Variants in TMEM255B observed in about 807,000 individuals in gnomAD.
TMEM255B encodes the protein transmembrane protein 255B, also known as family with sequence similarity 70, member B.
A neutral mutation model predicts 34.5 loss-of-function variants in TMEM255B; 35 were observed. The observed-to-expected ratio is 1.01, with a 90% CI of 0.77 to 1.34. TMEM255B has a LOEUF of 1.34. Ranked by LOEUF, TMEM255B falls within the 40% of genes most tolerant of loss-of-function variation. TMEM255B has a pLI of 0.00. For synonymous variants in TMEM255B, 206 were observed against 201.2 expected (o/e 1.02, Z -0.20); for missense variants, 432 against 433.2 (o/e 1.00, Z 0.02).
At chr13:113,779,143 T>C (rs2050628477) in intron 3 of TMEM255B, among the ~76,000 whole-genome samples, 1 of 152,196 alleles carries the variant, frequency 6.6e-6, no homozygotes, top group Non-Finnish European at 1.5e-5. Context: ...GGCATGTTTC[T>C]GGTCAAAGGT....
Position 113,811,948 on chromosome 13 carries a change from A to AAG in TMEM255B, c.*46_*47insGA, listed in dbSNP as rs760806055. On this transcript the variant is annotated 3_prime_UTR_variant, in exon 9 of 9. Transcript: ENST00000375353. ...ATAACTTGTTTGTTTTTTTTTTTAA[A>AAG]AAAAAGGCAGCCTCTAGAAATCCCG... 6.5e-7 allele frequency: 1 copy of AAG among 1,534,364 alleles called. No homozygotes were observed. Among genetic ancestry groups the AAG allele is most frequent in the African/African-American group, 1.4e-5 (1 of 71,240 alleles).
In TMEM255B at chr13:113,812,973, G is replaced by GGTCACGGGCCCCGGGTGA. The variant is rs1566342231; in HGVS notation, c.*1078_*1079insCCCCGGGTGAGTCACGGG. The stretch of plus-strand genomic sequence containing the variant: ...CCGGGTGGGTCACGGGCCCCGGGTG[G>GGTCACGGGCCCCGGGTGA]GTCACGGGTCCCGGGTGGGTCACGG... On this transcript the variant is annotated 3_prime_UTR_variant, in exon 9 of 9. Coordinates refer to ENST00000375353, the MANE Select transcript of TMEM255B (RefSeq NM_182614.4). 2.5e-5 allele frequency: 3 copies of GGTCACGGGCCCCGGGTGA among 121,862 alleles called. No homozygotes were observed. The highest frequency in any genetic ancestry group is 5.7e-5 in the Non-Finnish European group (3 of 53,016). The allele number at this position is 121,862 out of a possible 1,614,324, so 7.5% of individuals were successfully genotyped here.
chr13:113,767,855 A>C (rs1373502087), intron 2 of TMEM255B, among the ~76,000 whole-genome samples: 2 of 152,246 alleles, frequency 1.3e-5, no homozygotes, highest in Admixed American at 1.3e-4. Flanking sequence ...AACGTAGTGT[A>C]ACAGATGTAT....
intron 3 of TMEM255B, among the ~76,000 whole-genome samples, chr13:113,788,517 CG>C (rs1401424925): frequency 1.3e-4 from 20 of 152,114 alleles, no homozygotes; most frequent in African/African-American, 4.6e-4. Context: ...TCTCTGCCCT[CG>C]GCTGGTGGCT....
chr13:113,767,806 C>T (rs764806386), intron 2 of TMEM255B, among the ~76,000 whole-genome samples: 8 of 152,142 alleles, frequency 5.3e-5, no homozygotes, highest in Non-Finnish European at 5.9e-5. Flanking sequence ...TCCACATTTT[C>T]AAGAAAGGTG....
chr13:113,792,513 G>A (rs970461832), intron 3 of TMEM255B, among the ~76,000 whole-genome samples: 2 of 152,180 alleles, frequency 1.3e-5, no homozygotes, highest in Non-Finnish European at 2.9e-5. Context: ...ACTCGTTCAG[G>A]CCTTCCTTCT....
chr13:113,800,720 TG>T, intron 5 of TMEM255B, 106 bp from the exon 6 acceptor site: 1 of 1,034,592 alleles, frequency 9.7e-7, no homozygotes, highest in Non-Finnish European at 1.4e-6. Context: ...GCTGCTTGGC[TG>T]GGCCTCAGTG....
Position 113,805,013 on chromosome 13 carries a change from C to T in TMEM255B, c.798C>T (p.Tyr266=), listed in dbSNP as rs2051143845. ...TPEPVPTCSS[Y]PLPLQPCSRF... ...AGCCCGTCCCGACCTGCTCGTCCTA[C>T]CCTCTGCCCCTTCAGGTAGGGCCAG... The change falls in exon 8 of 9, where the codon TAC becomes TAT. Residue 266 remains tyrosine (Y), a synonymous_variant. Transcript: ENST00000375353. The T allele has an allele frequency of 1.9e-6, 3 of 1,601,626 alleles. No homozygotes were observed. The African/African-American group carries it at 4.0e-5, about 21-fold the overall frequency.
chr13:113,801,671 C>T lies in TMEM255B; in HGVS notation c.528C>T (p.Ala176=), dbSNP rs768785409. ...TGTGCAGCGCAGAGCCCTCGCCCGC[C>T]TACTATGAGTTCATCGGCGTCAGCG... ...YACGSAEPSP[A]YYEFIGVSGC... The change falls in exon 7 of 9, where the codon GCC becomes GCT. Residue 176 remains alanine, a synonymous_variant. Transcript: ENST00000375353. The T allele has an allele frequency of 6.2e-7, 1 of 1,611,130 alleles. No individual in the cohort carries two copies. Among genetic ancestry groups the T allele is most frequent in the East Asian group, 2.2e-5 (1 of 44,804 alleles).
intron 1 of TMEM255B, among the ~76,000 whole-genome samples, chr13:113,759,753 C>G (rs1234769507): frequency 6.6e-6 from 1 of 152,170 alleles, no homozygotes; most frequent in Non-Finnish European, 1.5e-5. Context: ...TTTGGAAGAG[C>G]GAGGTAGCCT....
In TMEM255B at chr13:113,806,125, C is replaced by T. The variant is rs934226270; in HGVS notation, c.813+1097C>T. Among the ~76,000 whole-genome samples, 8 of 152,134 alleles carry T rather than the reference C, an allele frequency of 5.3e-5. No individual in the cohort carries two copies. Among genetic ancestry groups the T allele is most frequent in the African/African-American group, 1.4e-4 (6 of 41,426 alleles). On this transcript the variant is annotated intron_variant, in intron 8 of 8. Transcript: ENST00000375353. The surrounding 1 kb of genome is among the most constrained non-coding windows in gnomAD (Gnocchi z 4.2). ...AAAAGATCTTCCTTAGAGGGACATC[C>T]GGGGGAGGCCTGTGCACACTCTGCC... is the stretch of plus-strand genomic sequence containing the variant.
intron 3 of TMEM255B, among the ~76,000 whole-genome samples, chr13:113,775,536 G>A (rs917241819): frequency 6.6e-6 from 1 of 152,254 alleles, no homozygotes; most frequent in Non-Finnish European, 1.5e-5. Flanking sequence ...GCTGCCCAGG[G>A]CAAGAGCCCG....
chr13:113,806,302 G>A lies in TMEM255B; in HGVS notation c.813+1274G>A, dbSNP rs552497053. Among the ~76,000 whole-genome samples, 16 of 152,222 alleles carry A rather than the reference G, an allele frequency of 1.1e-4. No homozygotes were observed. The highest frequency in any genetic ancestry group is 3.9e-4 in the African/African-American group (16 of 41,538). On this transcript the variant is annotated intron_variant, in intron 8 of 8. Transcript: ENST00000375353. The surrounding 1 kb of genome is among the most constrained non-coding windows in gnomAD (Gnocchi z 4.2). ...TGCGTCTGGGGGTCCCTGGGGTCCA[G>A]GGGCCTGTGGGGCTGCTGGGGGTCC...
intron 5 of TMEM255B, among the ~76,000 whole-genome samples, chr13:113,800,588 T>C (rs1175664463): frequency 6.6e-6 from 1 of 152,128 alleles, no homozygotes. Flanking sequence ...GCCTCTCCTC[T>C]GAGCCCCGAT....
At chr13:113,795,616 C>CACAACACAG (rs2050911093) in intron 4 of TMEM255B, among the ~76,000 whole-genome samples, 1 of 136,504 alleles carries the variant, frequency 7.3e-6, no homozygotes, top group Admixed American at 7.5e-5. Context: ...ACAGCACACA[C>CACAACACAG]CACACACCAC....
At chr13:113,805,098 G>A in intron 8 of TMEM255B, 70 bp downstream of exon 8, 2 of 1,426,406 alleles carry the variant, frequency 1.4e-6, no homozygotes, top group East Asian at 2.7e-5. Context: ...GGATGGGGCT[G>A]GGGTCGGAGG....
chr13:113,769,360 G>A lies in TMEM255B; in HGVS notation c.252+200G>A, dbSNP rs530392983. On this transcript the variant is annotated intron_variant, in intron 3 of 8. Transcript: ENST00000375353. This position sits in a 1 kb window ranked among gnomAD's most constrained non-coding sequence, Gnocchi z 4.2. The stretch of plus-strand genomic sequence containing the variant: ...GTACCATTCACACCTTAGTCTAAGC[G>A]AGCATGGCCCTGGGTTGCTGGTGTA... Among the ~76,000 whole-genome samples the A allele has an allele frequency of 1.3e-5, 2 of 152,286 alleles. No homozygotes were observed. The highest frequency in any genetic ancestry group is 3.9e-4 in the East Asian group (2 of 5,180).
chr13:113,800,063 CGTGT>C, intron 5 of TMEM255B: 23 of 1,065,258 alleles, frequency 2.2e-5, no homozygotes, highest in Non-Finnish European at 2.7e-5. Flanking sequence ...CGGGAGGCAT[CGTGT>C]GTGTGTGTGT....
chr13:113,799,480 G>A lies in TMEM255B; in HGVS notation c.423+61G>A, dbSNP rs369572917. On this transcript the variant is annotated intron_variant, in intron 5 of 8. Transcript: ENST00000375353. The stretch of plus-strand genomic sequence containing the variant: ...TCAGCTAACCCCGCCGACCCCACGC[G>A]GTTTTCCCTGCACATAGGCGTGGTC... 1.2e-4 allele frequency: 186 copies of A among 1,509,024 alleles called. No individual in the cohort carries two copies. The East Asian group carries it at 1.7e-3, about 14-fold the overall frequency. 93.5% of individuals were successfully genotyped at this position (1,509,024 alleles called of 1,614,324 possible).
Sources: allele counts gnomAD v4.1 joint callset (sites outside exome capture counted in the v4.1 genomes callset), GRCh38; gene constraint gnomAD v4.1.1; non-coding constraint Gnocchi (gnomAD v3.1); transcripts MANE v1.5; gene names NCBI Gene and HGNC (gene_info 2026-07-23, HGNC 2026-07-21).